FRMD5: variants seen among roughly 807,000 people sequenced by gnomAD.
FRMD5 encodes FERM domain-containing protein 5.
FRMD5 carries 20 observed loss-of-function variants against 69.0 expected under a neutral mutation model. The ratio of observed to expected loss-of-function variants is 0.29; its 90% CI spans 0.20 to 0.42. FRMD5 has a LOEUF of 0.42. Ranked by LOEUF, FRMD5 falls within the 10% of genes least tolerant of loss-of-function variation. The pLI is 1.00. For synonymous variants in FRMD5, 271 were observed against 260.1 expected (o/e 1.04, Z -0.40); for missense variants, 595 against 708.6 (o/e 0.84, Z 1.82).
chr15:43,949,210 C>T (rs1409325524), intron 1 of FRMD5, among the ~76,000 whole-genome samples: 5 of 152,206 alleles, frequency 3.3e-5, no homozygotes, highest in African/African-American at 4.8e-5. Context: ...CCCTGCAAAG[C>T]CCCTGCAAGG....
chr15:43,936,378 G>C (rs889026720), intron 1 of FRMD5, among the ~76,000 whole-genome samples: 1 of 152,056 alleles, frequency 6.6e-6, no homozygotes, highest in Non-Finnish European at 1.5e-5. Flanking sequence ...TTTCTGAAGA[G>C]GGGGGTCTCC....
At chr15:43,986,844 G>A (rs963381299) in intron 1 of FRMD5, among the ~76,000 whole-genome samples, 2 of 151,128 alleles carry the variant, frequency 1.3e-5, no homozygotes, top group Non-Finnish European at 2.9e-5. Flanking sequence ...AGCCTGCATT[G>A]AGCAAGTCTT....
intron 1 of FRMD5, chr15:44,063,490 C>T (rs932483786): frequency 6.3e-6 from 2 of 318,376 alleles, no homozygotes; most frequent in East Asian, 8.8e-5. Flanking sequence ...TGTGCAGGGC[C>T]AGCTGCACCC....
chr15:44,000,326 CTT>C (rs918879549), intron 1 of FRMD5, among the ~76,000 whole-genome samples: 3 of 152,040 alleles, frequency 2.0e-5, no homozygotes, highest in African/African-American at 7.2e-5. Context: ...TGAATGAACA[CTT>C]AAAAGATTGT....
intron 13 of FRMD5, among the ~76,000 whole-genome samples, chr15:43,875,148 G>A (rs1434601671): frequency 2.0e-5 from 3 of 151,970 alleles, no homozygotes; most frequent in Non-Finnish European, 2.9e-5. Flanking sequence ...AGTTAGCAGA[G>A]ATCGTGCCAC....
intron 1 of FRMD5, among the ~76,000 whole-genome samples, chr15:43,996,092 A>C (rs1171779089): frequency 6.6e-6 from 1 of 151,898 alleles, no homozygotes; most frequent in East Asian, 2.0e-4. Flanking sequence ...GGCAGGCTTA[A>C]AGCCTGGGGT....
chr15:43,984,921 T>C (rs1182799752), intron 1 of FRMD5, among the ~76,000 whole-genome samples: 1 of 150,142 alleles, frequency 6.7e-6, no homozygotes, highest in Non-Finnish European at 1.5e-5. Context: ...GAGGTGGAGG[T>C]TGCAGTGAGC....
intron 6 of FRMD5, among the ~76,000 whole-genome samples, chr15:43,904,208 G>A (rs1254000798): frequency 6.6e-6 from 1 of 152,196 alleles, no homozygotes; most frequent in Non-Finnish European, 1.5e-5. Flanking sequence ...TGGGGGGCCT[G>A]TGGTCGGGGA....
chr15:44,063,887 T>C (rs1264602189), intron 1 of FRMD5: 1 of 270,958 alleles, frequency 3.7e-6, no homozygotes, highest in South Asian at 4.0e-5. Context: ...GCCCCCTCTG[T>C]CGACGTCCCC....
chr15:44,196,751 TTTC>T (rs2078307967), upstream of FRMD5, among the ~76,000 whole-genome samples: 1 of 80,520 alleles, frequency 1.2e-5, no homozygotes. Flanking sequence ...TCTCTCTCTC[TTTC>T]TCTCTCTCTC....
intron 1 of FRMD5, among the ~76,000 whole-genome samples, chr15:44,013,212 G>C (rs1890803269): frequency 6.6e-6 from 1 of 152,164 alleles, no homozygotes; most frequent in Non-Finnish European, 1.5e-5. Context: ...AACATAGCAA[G>C]ATCCTATCTT....
intron 1 of FRMD5, among the ~76,000 whole-genome samples, chr15:43,971,377 AC>A (rs2090374692): frequency 6.6e-6 from 1 of 152,152 alleles, no homozygotes; most frequent in Non-Finnish European, 1.5e-5. Context: ...CTCAGAGAGT[AC>A]ATCTGCTACT....
intron 1 of FRMD5, among the ~76,000 whole-genome samples, chr15:44,088,493 T>C (rs924358244): frequency 6.6e-6 from 1 of 152,204 alleles, no homozygotes; most frequent in Admixed American, 6.6e-5. Flanking sequence ...AGAGAAATGA[T>C]GCCCTGATTC....
At chr15:43,993,261 C>T (rs997911337) in intron 1 of FRMD5, among the ~76,000 whole-genome samples, 3 of 152,098 alleles carry the variant, frequency 2.0e-5, no homozygotes, top group Admixed American at 6.5e-5. Flanking sequence ...GGCACGATCT[C>T]GGCTCACTGC....
chr15:44,125,770 A>G (rs983684878), intron 1 of FRMD5, among the ~76,000 whole-genome samples: 1 of 152,192 alleles, frequency 6.6e-6, no homozygotes, highest in Non-Finnish European at 1.5e-5. Context: ...TGGTATTTTT[A>G]ATGTGTCAAT....
chr15:43,883,538 A>G lies in FRMD5; in HGVS notation c.1135+165T>C, dbSNP rs1479922813. Among the ~76,000 whole-genome samples the G allele has an allele frequency of 3.3e-5, 5 of 152,186 alleles. No individual in the cohort carries two copies. In the East Asian group the frequency reaches 9.6e-4, roughly 29 times the overall value. On this transcript the variant is annotated intron_variant, in intron 13 of 13. Transcript: ENST00000417257. ...AGATACCCACACCCCTTTACCCTGT[A>G]CCCAGCTAATATTCCCATCCACTGG...
intron 1 of FRMD5, among the ~76,000 whole-genome samples, chr15:43,963,260 A>G (rs1006574847): frequency 6.6e-6 from 1 of 152,266 alleles, no homozygotes; most frequent in Non-Finnish European, 1.5e-5. Flanking sequence ...ATGAACAGAC[A>G]CTTCTCAAAA....
At chr15:43,913,923 C>G (rs983682086) in intron 4 of FRMD5, among the ~76,000 whole-genome samples, 3 of 152,194 alleles carry the variant, frequency 2.0e-5, no homozygotes, top group African/African-American at 7.2e-5. Context: ...GAGCTCTAGA[C>G]CGGATTTAGG....
intron 1 of FRMD5, among the ~76,000 whole-genome samples, chr15:43,964,252 A>C (rs1298226550): frequency 2.0e-5 from 3 of 152,108 alleles, no homozygotes; most frequent in African/African-American, 7.2e-5. Context: ...AGTCCTTATA[A>C]ATATAATAAT....
Sources: gnomAD v4.1 joint callset for allele counts (sites outside exome capture counted in the v4.1 genomes callset) on GRCh38, gnomAD v4.1.1 for gene constraint, MANE v1.5 for transcripts, NCBI Gene and HGNC (gene_info 2026-07-23, HGNC 2026-07-21) for gene names.